Variants in HTR3B observed in about 807,000 individuals in gnomAD.
HTR3B encodes the protein 5-hydroxytryptamine receptor 3B.
In HTR3B, 44 loss-of-function variants were observed where a neutral mutation model predicts 42.8. The observed-to-expected ratio is 1.03, with a 90% confidence interval of 0.81 to 1.32. The LOEUF is 1.32. HTR3B is among the 40% of genes most tolerant of loss of function. The probability of loss-of-function intolerance (pLI) is 0.00; values close to 1 mark genes in which losing one functional copy is unlikely to be tolerated. For missense variants in HTR3B, 527 were observed against 536.5 expected (o/e 0.98, Z 0.17); for synonymous variants, 203 against 209.0 (o/e 0.97, Z 0.25).
At chr11:113,909,222 G>T in intron 1 of HTR3B, 73 bp from the exon 2 acceptor site, 2 of 1,200,016 alleles carry the variant, frequency 1.7e-6, no homozygotes, top group South Asian at 2.4e-5. Flanking sequence ...ACCGAGTCCT[G>T]AACAGTCTGA....
upstream of HTR3B, among the ~76,000 whole-genome samples, chr11:113,900,549 A>T (rs567427773): frequency 6.6e-6 from 1 of 152,126 alleles, no homozygotes; most frequent in Non-Finnish European, 1.5e-5. Context: ...GCTGGAGTGC[A>T]ATGACGCAAT....
Position 113,947,951 on chromosome 11 carries a change from C to T in HTR3B, c.*1814C>T, listed in dbSNP as rs534732668. Among the ~76,000 whole-genome samples, 1 of 152,196 alleles carries T rather than the reference C, an allele frequency of 6.6e-6. No individual in the cohort carries two copies. Among genetic ancestry groups the T allele is most frequent in the East Asian group, 1.9e-4 (1 of 5,182 alleles). ...TGTTTGCTAGAAACTTTTTCCAGCA[C>T]TAAAATTGCCTTTAGAAAAATCTGC... On this transcript the variant is annotated 3_prime_UTR_variant, in exon 9 of 9. Coordinates refer to ENST00000260191, the MANE Select transcript of HTR3B (RefSeq NM_006028.5).
chr11:113,943,229 A>C lies in HTR3B; in HGVS notation c.907+37A>C, dbSNP rs762379717. 2.0e-6 allele frequency: 3 copies of C among 1,502,598 alleles called. No homozygotes were observed. In the Admixed American group the frequency reaches 5.3e-5, roughly 26 times the overall value. The allele number at this position is 1,502,598 out of a possible 1,614,324, so 93.1% of individuals were successfully genotyped here. Reference sequence around the variant, plus strand: ...CGGGGTCACTGGACACTCATCTTACATGACCCCTGTGAAAGATCTAATGCT... The same window carrying C: ...CGGGGTCACTGGACACTCATCTTACCTGACCCCTGTGAAAGATCTAATGCT... On this transcript the variant is annotated intron_variant, in intron 7 of 8. Coordinates refer to ENST00000260191, the MANE Select transcript of HTR3B (RefSeq NM_006028.5).
At chr11:113,928,973 C>T (rs574913539) in intron 2 of HTR3B, among the ~76,000 whole-genome samples, 12 of 152,328 alleles carry the variant, frequency 7.9e-5, no homozygotes, top group African/African-American at 2.9e-4. Flanking sequence ...CTGCTATGAA[C>T]ATGTGTGTAT....
intron 1 of HTR3B, 140 bp downstream of exon 1, chr11:113,905,125 G>A (rs979571565): frequency 3.4e-5 from 21 of 621,260 alleles, no homozygotes; most frequent in Non-Finnish European, 5.9e-5. Context: ...GTCCTGTGAA[G>A]CTATATGGAA....
chr11:113,898,924 G>A, the HTR3B span, among the ~76,000 whole-genome samples: 2 of 152,246 alleles, frequency 1.3e-5, no homozygotes, highest in South Asian at 2.1e-4. Flanking sequence ...GCTGTTTTAA[G>A]CCCATAAATT....
At position 113,947,157 on chromosome 11, in the gene HTR3B, G is replaced by A. The variant is rs1044120510; in HGVS notation, c.*1020G>A. 6.6e-6 allele frequency among the ~76,000 whole-genome samples: 1 copy of A among 151,264 alleles called. No individual in the cohort carries two copies. Among genetic ancestry groups the A allele is most frequent in the East Asian group, 1.9e-4 (1 of 5,142 alleles). On this transcript the variant is annotated 3_prime_UTR_variant, in exon 9 of 9. Transcript: ENST00000260191. ...TCTTGCTCTGTCACCAGATTGGAGT[G>A]CAGTGGTGCAATCTTGGCTCACTGT...
chr11:113,943,757 G>A (rs778008315), intron 7 of HTR3B, among the ~76,000 whole-genome samples: 16 of 151,926 alleles, frequency 1.1e-4, no homozygotes, highest in Non-Finnish European at 2.2e-4. Context: ...AGTCTGCAGT[G>A]AGCTATGATC....
chr11:113,907,101 C>T (rs990478060), intron 1 of HTR3B, among the ~76,000 whole-genome samples: 2 of 152,182 alleles, frequency 1.3e-5, no homozygotes, highest in Non-Finnish European at 2.9e-5. Context: ...AATAATTTTA[C>T]TGTGTTCTTA....
intron 2 of HTR3B, among the ~76,000 whole-genome samples, chr11:113,912,398 G>A (rs1005532376): frequency 6.6e-6 from 1 of 151,984 alleles, no homozygotes; most frequent in African/African-American, 2.4e-5. Flanking sequence ...CGTGTGCCAC[G>A]ACGCCCAGCT....
intron 6 of HTR3B, among the ~76,000 whole-genome samples, chr11:113,938,216 ATTCTTGGGGGC>A (rs1420134134): frequency 6.6e-6 from 1 of 152,100 alleles, no homozygotes; most frequent in Admixed American, 6.6e-5. Context: ...AAATACATGA[ATTCTTGGGGGC>A]CCTCTTCAAC....
intron 2 of HTR3B, among the ~76,000 whole-genome samples, chr11:113,915,875 G>T (rs1949847123): frequency 6.6e-6 from 1 of 151,824 alleles, no homozygotes; most frequent in Admixed American, 6.6e-5. Context: ...TCTTGATCTT[G>T]TCGCCTGGGC....
intron 6 of HTR3B, among the ~76,000 whole-genome samples, chr11:113,940,733 C>A (rs1436512801): frequency 1.3e-5 from 2 of 152,236 alleles, no homozygotes; most frequent in Non-Finnish European, 1.5e-5. Context: ...AGCCCCCACT[C>A]TTATCAGCAA....
chr11:113,931,077 T>G (rs574887408), intron 2 of HTR3B, among the ~76,000 whole-genome samples: 5 of 152,152 alleles, frequency 3.3e-5, no homozygotes, highest in Non-Finnish European at 5.9e-5. Flanking sequence ...CAACGTAACA[T>G]TTTTTAGTCT....
In HTR3B at chr11:113,904,802, AG is replaced by A; in HGVS notation, c.-131del. ...CACTGAGTGTTTACAAAATAGCACC[AG>A]TAAGGATAGCATCAACTGGCAAACG... On this transcript the variant is annotated 5_prime_UTR_variant, in exon 1 of 9. Coordinates refer to ENST00000260191, the MANE Select transcript of HTR3B (RefSeq NM_006028.5). The A allele has an allele frequency of 1.4e-6, 1 of 713,370 alleles. No individual in the cohort carries two copies. The highest frequency in any genetic ancestry group is 1.6e-5 in the South Asian group (1 of 62,102). 44.2% of individuals were successfully genotyped at this position (713,370 alleles called of 1,614,324 possible).
At chr11:113,943,628 G>A (rs1950154095) in intron 7 of HTR3B, among the ~76,000 whole-genome samples, 1 of 151,954 alleles carries the variant, frequency 6.6e-6, no homozygotes, top group African/African-American at 2.4e-5. Flanking sequence ...AGCCCACTGT[G>A]CCTGGCCGCT....
Position 113,909,442 on chromosome 11 carries a change from C to T in HTR3B, c.200C>T (p.Ala67Val). 2 of 1,613,948 alleles carry T rather than the reference C, an allele frequency of 1.2e-6. No homozygotes were observed. Among genetic ancestry groups the T allele is most frequent in the Non-Finnish European group, 1.7e-6 (2 of 1,179,882 alleles). Residue 67 changes from alanine (A) to valine (V), a missense_variant, in exon 2 of 9, where the codon GCT becomes GTT. Coordinates refer to ENST00000260191, the MANE Select transcript of HTR3B (RefSeq NM_006028.5). ...TTVYLDLFVHAILDVDAENQI... is the reference protein window; with the variant it reads ...TTVYLDLFVHVILDVDAENQI... The stretch of plus-strand genomic sequence containing the variant: ...GTCTACCTGGACCTGTTCGTCCATG[C>T]TATATTGGATGTGGTAAGGACCATC...
intron 7 of HTR3B, among the ~76,000 whole-genome samples, chr11:113,943,474 T>C (rs1950152866): frequency 6.6e-6 from 1 of 151,860 alleles, no homozygotes; most frequent in South Asian, 2.1e-4. Context: ...GCTGGGATTA[T>C]AGGCACACAC....
At chr11:113,929,915 G>T (rs1157504474) in intron 2 of HTR3B, among the ~76,000 whole-genome samples, 3 of 151,956 alleles carry the variant, frequency 2.0e-5, no homozygotes, top group Non-Finnish European at 4.4e-5. Context: ...GTATTTTTTA[G>T]TAGAGACGGG....
Sources: allele counts gnomAD v4.1 joint callset (sites outside exome capture counted in the v4.1 genomes callset), GRCh38; gene constraint gnomAD v4.1.1; transcripts MANE v1.5; gene names NCBI Gene and HGNC (gene_info 2026-07-23, HGNC 2026-07-21).